Variants in KIF13B observed in about 807,000 individuals in gnomAD.
KIF13B encodes kinesin family member 13B, also known as kinesin-like protein KIF13B.
KIF13B carries 127 observed loss-of-function variants against 222.0 expected under a neutral mutation model. That is an observed-to-expected ratio of 0.57 (90% confidence interval 0.50 to 0.66). The LOEUF is 0.66. KIF13B is among the 30% of genes least tolerant of loss of function. The pLI, the probability that KIF13B is intolerant of heterozygous loss-of-function variation, is 0.00. For missense variants in KIF13B, 2,173 were observed against 2,379.0 expected, an observed-to-expected ratio of 0.91 and a Z score of 1.80; for synonymous variants, 976 against 919.0, an observed-to-expected ratio of 1.06 and a Z score of -1.12.
intron 5 of KIF13B, among the ~76,000 whole-genome samples, chr8:29,187,475 G>A (rs1277941128): frequency 6.6e-6 from 1 of 152,190 alleles, no homozygotes; most frequent in Non-Finnish European, 1.5e-5. Flanking sequence ...AGGCTGCAAT[G>A]AGCAGAGATT....
rs756808560 is a variant in KIF13B at position 29,146,480 on chromosome 8, T to C, written c.2085A>G (p.Leu695=). 39 of 1,613,736 alleles carry C rather than the reference T, an allele frequency of 2.4e-5. No individual in the cohort carries two copies. The highest frequency in any genetic ancestry group is 1.6e-4 in the Middle Eastern group (1 of 6,062). Reference sequence around the variant, plus strand: ...CAATGTAATTAGCTTCTCTCACCAATAGATTGGCCTTAACAATTTGTTCCC... The same window carrying C: ...CAATGTAATTAGCTTCTCTCACCAACAGATTGGCCTTAACAATTTGTTCCC... The part of the protein sequence containing the change: ...RLREQIVKAN[L]LVREANYIAE... The change falls in exon 18 of 40, where the codon CTA becomes CTG. Residue 695 remains leucine (L), a synonymous_variant. Coordinates refer to ENST00000524189, the MANE Select transcript of KIF13B (RefSeq NM_015254.4).
At chr8:29,123,293 C>A (rs950147611) in intron 28 of KIF13B, 73 bp downstream of exon 28, 12 of 1,566,210 alleles carry the variant, frequency 7.7e-6, no homozygotes, top group Non-Finnish European at 1.0e-5. Context: ...CCGTAGCACA[C>A]GCAAAATTCA....
At chr8:29,079,303 A>G (rs1341323078) in intron 37 of KIF13B, among the ~76,000 whole-genome samples, 1 of 151,980 alleles carries the variant, frequency 6.6e-6, no homozygotes, top group African/African-American at 2.4e-5. Flanking sequence ...TTCTCCTGCA[A>G]CTGCAGGGAG....
At chr8:29,257,618 G>A (rs951516856) in intron 1 of KIF13B, among the ~76,000 whole-genome samples, 1 of 152,114 alleles carries the variant, frequency 6.6e-6, no homozygotes, top group Non-Finnish European at 1.5e-5. Flanking sequence ...GCCAGCCAGA[G>A]CAACAAAGTG....
chr8:29,244,187 GTA>G (rs1563821730), intron 2 of KIF13B, among the ~76,000 whole-genome samples: 1 of 152,062 alleles, frequency 6.6e-6, no homozygotes, highest in Non-Finnish European at 1.5e-5. Flanking sequence ...CTAATTTTTT[GTA>G]TTTTTAGTAG....
intron 21 of KIF13B, among the ~76,000 whole-genome samples, chr8:29,136,769 A>G (rs570303583): frequency 4.4e-4 from 66 of 151,512 alleles, no homozygotes; most frequent in African/African-American, 1.5e-3. Context: ...AATGAAATGA[A>G]ATGAAATGAA....
At chr8:29,190,892 G>C (rs774099408) in intron 4 of KIF13B, 105 bp downstream of exon 4, 5 of 859,874 alleles carry the variant, frequency 5.8e-6, no homozygotes, top group Non-Finnish European at 1.0e-5. Flanking sequence ...TGACAGCAGA[G>C]GAAACACACA....
intron 10 of KIF13B, 48 bp downstream of exon 10, chr8:29,176,020 T>C: frequency 9.0e-7 from 1 of 1,110,740 alleles, no homozygotes; most frequent in Non-Finnish European, 1.4e-6. Flanking sequence ...TTCTTCCTTC[T>C]TGCCAACCAC....
intron 2 of KIF13B, among the ~76,000 whole-genome samples, chr8:29,198,900 G>A (rs1017909566): frequency 2.6e-5 from 4 of 151,968 alleles, no homozygotes; most frequent in South Asian, 4.1e-4. Flanking sequence ...GTGATATAAC[G>A]GACTTTGGAG....
At chr8:29,252,420 C>T (rs1351018824) in intron 1 of KIF13B, among the ~76,000 whole-genome samples, 1 of 151,898 alleles carries the variant, frequency 6.6e-6, no homozygotes, top group African/African-American at 2.4e-5. Context: ...TTCTAATTCT[C>T]ATTTTCTAAT....
rs560613937 is a variant in KIF13B, at chr8:29,070,613, C to T, written c.5372G>A (p.Ser1791Asn). 2.8e-5 allele frequency: 44 copies of T among 1,585,264 alleles called. No homozygotes were observed. The highest frequency in any genetic ancestry group is 1.7e-4 in the South Asian group (15 of 87,760). Reference sequence around the variant, plus strand: ...GGTGGCGGAGCCCGAGAGGGTGGCGCTCCGGCGGGCCTCGGGGGCACCCAG... The same window carrying T: ...GGTGGCGGAGCCCGAGAGGGTGGCGTTCCGGCGGGCCTCGGGGGCACCCAG... Reference protein sequence around the residue: ...LRLGAPEARRSATLSGSATNL... With the variant: ...LRLGAPEARRNATLSGSATNL... The change falls in exon 40 of 40, where the codon AGC (serine) becomes AAC (asparagine). Residue 1791 changes from serine to asparagine, a missense_variant. Ser to Asn is a conservative substitution (Grantham distance 46). This residue lies in a region of KIF13B where 693 missense variants were observed against 656.2 expected (regional missense o/e 1.06). Coordinates refer to ENST00000524189, the MANE Select transcript of KIF13B (RefSeq NM_015254.4). The surrounding 1 kb of genome is among the most constrained non-coding windows in gnomAD (Gnocchi z 4.1).
At chr8:29,234,074 G>A (rs1305865694) in intron 2 of KIF13B, among the ~76,000 whole-genome samples, 1 of 152,136 alleles carries the variant, frequency 6.6e-6, no homozygotes, top group East Asian at 1.9e-4. Flanking sequence ...TTCTTAATAA[G>A]CTAAAGAAAA....
chr8:29,101,495 C>T (rs1367521730), intron 35 of KIF13B, among the ~76,000 whole-genome samples: 2 of 152,200 alleles, frequency 1.3e-5, no homozygotes, highest in African/African-American at 2.4e-5. Flanking sequence ...ACCTCTTCCC[C>T]AAGGCACACC....
At chr8:29,228,450 G>T in intron 2 of KIF13B, among the ~76,000 whole-genome samples, 1 of 98,798 alleles carries the variant, frequency 1.0e-5, no homozygotes, top group African/African-American at 4.0e-5. Flanking sequence ...CTGGGTGACA[G>T]AGCCAGACTC....
intron 33 of KIF13B, 21 bp downstream of exon 33, chr8:29,109,897 C>CTA (rs1408583229): frequency 6.2e-7 from 1 of 1,611,740 alleles, no homozygotes; most frequent in Admixed American, 1.7e-5. Flanking sequence ...GCTGCCCGCC[C>CTA]TATCCATGCG....
intron 2 of KIF13B, among the ~76,000 whole-genome samples, chr8:29,209,929 G>A (rs1256185789): frequency 2.0e-5 from 3 of 150,574 alleles, no homozygotes; most frequent in Admixed American, 6.6e-5. Context: ...TGATGCACAC[G>A]TCTGTATTCT....
intron 27 of KIF13B, 36 bp from the exon 28 acceptor site, chr8:29,123,528 T>A (rs1391937646): frequency 6.2e-7 from 1 of 1,610,958 alleles, no homozygotes; most frequent in Non-Finnish European, 8.5e-7. Context: ...ATGACAAAAC[T>A]TCACTTGCCA....
intron 2 of KIF13B, among the ~76,000 whole-genome samples, chr8:29,211,614 T>A (rs1356937466): frequency 6.6e-6 from 1 of 152,164 alleles, no homozygotes; most frequent in African/African-American, 2.4e-5. Flanking sequence ...AAACTTCACA[T>A]GCAGGAGGTG....
intron 29 of KIF13B, among the ~76,000 whole-genome samples, chr8:29,121,530 C>T (rs1440421656): frequency 8.0e-5 from 7 of 86,998 alleles, no homozygotes; most frequent in African/African-American, 2.3e-4. Flanking sequence ...TGGATCCCTT[C>T]CTTACACCTT....
Sources: allele counts gnomAD v4.1 joint callset (sites outside exome capture counted in the v4.1 genomes callset), GRCh38; gene constraint gnomAD v4.1.1; regional missense constraint gnomAD v4.1.1; non-coding constraint Gnocchi (gnomAD v3.1); transcripts MANE v1.5; gene names NCBI Gene and HGNC (gene_info 2026-07-23, HGNC 2026-07-21).